The following ALKBH1 variants were observed in gnomAD, a reference collection of about 807,000 sequenced individuals.
ALKBH1 encodes alkB homolog 1, histone H2A dioxygenase, also known as nucleic acid dioxygenase ALKBH1.
In ALKBH1, 31 loss-of-function variants were observed where a neutral mutation model predicts 36.6. That is an observed-to-expected ratio of 0.85 (90% confidence interval 0.64 to 1.14). The LOEUF (loss-of-function observed/expected upper bound fraction) is 1.14, where lower values mean the gene tolerates loss of function less well. Among genes scored for constraint, ALKBH1 ranks in the 50% most tolerant of loss-of-function variants. The probability of loss-of-function intolerance (pLI) is 0.00; values close to 1 mark genes in which losing one functional copy is unlikely to be tolerated. For missense variants in ALKBH1, 490 were observed against 497.3 expected, an observed-to-expected ratio of 0.99 and a Z score of 0.14; for synonymous variants, 183 against 186.6, an observed-to-expected ratio of 0.98 and a Z score of 0.16.
intron 3 of ALKBH1, among the ~76,000 whole-genome samples, chr14:77,686,089 GAGC>G (rs2080266934): frequency 6.6e-6 from 1 of 152,180 alleles, no homozygotes; most frequent in Non-Finnish European, 1.5e-5. Context: ...AATATGTTGA[GAGC>G]AGGACTGGCC....
intron 2 of ALKBH1, among the ~76,000 whole-genome samples, chr14:77,703,282 C>T (rs1333369054): frequency 1.3e-5 from 2 of 151,364 alleles, no homozygotes; most frequent in East Asian, 2.0e-4. Context: ...CTCGCCTGGT[C>T]CCTATTAGGA....
At chr14:77,681,848 G>A (rs2080239786) in intron 3 of ALKBH1, among the ~76,000 whole-genome samples, 2 of 152,212 alleles carry the variant, frequency 1.3e-5, no homozygotes, top group South Asian at 4.1e-4. Context: ...AGTTTCTTTG[G>A]TAAACATTTC....
intron 1 of ALKBH1, among the ~76,000 whole-genome samples, chr14:77,705,567 ACTT>A (rs1304290551): frequency 6.6e-6 from 1 of 152,156 alleles, no homozygotes; most frequent in Non-Finnish European, 1.5e-5. Flanking sequence ...TGACGCTACA[ACTT>A]CTGCTTCTGT....
intron 3 of ALKBH1, chr14:77,683,552 T>C: frequency 1.7e-6 from 1 of 572,136 alleles, no homozygotes; most frequent in Admixed American, 2.4e-5. Flanking sequence ...CCCATTCCCA[T>C]TCCCTTAATG....
intron 3 of ALKBH1, among the ~76,000 whole-genome samples, chr14:77,685,605 T>G (rs943498779): frequency 1.3e-5 from 2 of 151,148 alleles, no homozygotes; most frequent in African/African-American, 4.9e-5. Flanking sequence ...TGGTGAAACC[T>G]CGTCTCTACT....
chr14:77,674,145 C>T lies in ALKBH1; in HGVS notation c.837G>A (p.Ser279=), dbSNP rs200789248. ...CGTGGTTCAAGAGGCGGCTGAAACC[C>T]GACATTATCATGATGTCACCACTGT... The part of the protein sequence containing the change: ...FMHSGDIMIM[S]GFSRLLNHAV... The change falls in exon 6 of 6, where the codon TCG becomes TCA. Residue 279 remains serine (S), a synonymous_variant. Transcript: ENST00000216489. 7.9e-5 allele frequency: 127 copies of T among 1,614,140 alleles called. No individual in the cohort carries two copies. Among genetic ancestry groups the T allele is most frequent in the African/African-American group, 8.0e-5 (6 of 75,040 alleles).
intron 3 of ALKBH1, among the ~76,000 whole-genome samples, chr14:77,682,465 C>T (rs901363376): frequency 1.3e-5 from 2 of 152,118 alleles, no homozygotes; most frequent in South Asian, 2.1e-4. Context: ...CAAGGTATTA[C>T]TTTGTAGCCA....
chr14:77,703,593 CT>C (rs200488919), intron 2 of ALKBH1, among the ~76,000 whole-genome samples: 142 of 112,878 alleles, frequency 1.3e-3, no homozygotes, highest in African/African-American at 3.0e-3. Context: ...CTGCGTCCAG[CT>C]TTTTTTTTTT....
chr14:77,706,119 A>G (rs999405274), intron 1 of ALKBH1, among the ~76,000 whole-genome samples: 1 of 151,726 alleles, frequency 6.6e-6, no homozygotes, highest in Non-Finnish European at 1.5e-5. Context: ...ATATATATAT[A>G]TGAAACATTC....
chr14:77,674,237 C>A lies in ALKBH1; in HGVS notation c.745G>T (p.Gly249Ter). 1 of 1,554,524 alleles carries A rather than the reference C, an allele frequency of 6.4e-7. No homozygotes were observed. Among genetic ancestry groups the A allele is most frequent in the Non-Finnish European group, 8.7e-7 (1 of 1,152,468 alleles). ...HSKPLLSFSFGQSAIFLLGGL... is the reference protein window; with the variant it reads ...HSKPLLSFSF Reference sequence around the variant, plus strand: ...CCCAGGAGAAAGATGGCGGACTGTCCAAAGCTACAAAAAATAAGTAAAAAC... The same window carrying A: ...CCCAGGAGAAAGATGGCGGACTGTCAAAAGCTACAAAAAATAAGTAAAAAC... The change falls in exon 6 of 6, where the codon GGA becomes TGA. Residue 249 changes from glycine to a stop codon, truncating the protein, a stop_gained. Coordinates refer to ENST00000216489, the MANE Select transcript of ALKBH1 (RefSeq NM_006020.3). LOFTEE classifies it high-confidence loss of function.
chr14:77,691,042 CT>C (rs2080294428), intron 3 of ALKBH1, among the ~76,000 whole-genome samples: 1 of 152,114 alleles, frequency 6.6e-6, no homozygotes, highest in Admixed American at 6.5e-5. Context: ...CTCAGATGAT[CT>C]GTCCAACTCG....
intron 3 of ALKBH1, among the ~76,000 whole-genome samples, chr14:77,682,247 C>T (rs916104904): frequency 6.6e-6 from 1 of 152,156 alleles, no homozygotes; most frequent in African/African-American, 2.4e-5. Flanking sequence ...GTTATTAACA[C>T]AACTTGAGGT....
intron 2 of ALKBH1, among the ~76,000 whole-genome samples, chr14:77,699,848 A>T (rs943249122): frequency 6.6e-6 from 1 of 152,080 alleles, no homozygotes; most frequent in Non-Finnish European, 1.5e-5. Flanking sequence ...AGGTCAGGAG[A>T]TCAAGACCAT....
intron 2 of ALKBH1, among the ~76,000 whole-genome samples, chr14:77,703,441 G>A (rs1025586264): frequency 1.3e-5 from 2 of 151,676 alleles, no homozygotes; most frequent in African/African-American, 2.4e-5. Context: ...ACAGGGGCCC[G>A]CCACCATGCC....
chr14:77,685,899 T>C (rs1198742958), intron 3 of ALKBH1, among the ~76,000 whole-genome samples: 1 of 152,016 alleles, frequency 6.6e-6, no homozygotes, highest in African/African-American at 2.4e-5. Context: ...AAAAGAAAAA[T>C]TGTGATCTTT....
Position 77,704,388 on chromosome 14 carries a change from A to G in ALKBH1, c.273T>C (p.Tyr91=), listed in dbSNP as rs1234006412. The G allele has an allele frequency of 1.2e-6, 2 of 1,614,022 alleles. No homozygotes were observed. The highest frequency in any genetic ancestry group is 1.7e-6 in the Non-Finnish European group (2 of 1,179,858). ...GLQPVSKWQA[Y]GLKGYPGFIF... is the part of the protein sequence containing the mutation. ...ACTCACCAGGATAGCCTTTGAGTCC[A>G]TAGGCTTGCCACTTGCTGACGGGCT... Residue 91 remains tyrosine (Y), a synonymous_variant, in exon 2 of 6, where the codon TAT becomes TAC. Coordinates refer to ENST00000216489, the MANE Select transcript of ALKBH1 (RefSeq NM_006020.3).
Position 77,708,018 on chromosome 14 carries a change from C to T in ALKBH1, c.-14G>A, listed in dbSNP as rs755600979. The T allele has an allele frequency of 1.2e-6, 2 of 1,608,772 alleles. No individual in the cohort carries two copies. The highest frequency in any genetic ancestry group is 2.2e-5 in the East Asian group (1 of 44,836). On this transcript the variant is annotated 5_prime_UTR_variant, in exon 1 of 6. Coordinates refer to ENST00000216489, the MANE Select transcript of ALKBH1 (RefSeq NM_006020.3). ...CATCTTCCCCATCTCGCGGCCTATA[C>T]CCTCTGATCCGGAAGCAGATTCTCT...
intron 2 of ALKBH1, among the ~76,000 whole-genome samples, chr14:77,703,024 T>C (rs1362117913): frequency 1.3e-5 from 2 of 151,958 alleles, no homozygotes; most frequent in Non-Finnish European, 2.9e-5. Flanking sequence ...TGGTGGCATA[T>C]ACCTGTAGTC....
intron 5 of ALKBH1, among the ~76,000 whole-genome samples, chr14:77,674,713 C>T (rs1466960511): frequency 4.6e-5 from 7 of 151,978 alleles, no homozygotes; most frequent in African/African-American, 7.3e-5. Context: ...CCACCACACC[C>T]GACTAATTTT....
Sources: allele counts gnomAD v4.1 joint callset (sites outside exome capture counted in the v4.1 genomes callset), GRCh38; gene constraint gnomAD v4.1.1; transcripts MANE v1.5; gene names NCBI Gene and HGNC (gene_info 2026-07-23, HGNC 2026-07-21).